The following GPHN variants were observed in gnomAD, a reference collection of about 807,000 sequenced individuals.
GPHN encodes the protein gephyrin.
In GPHN, 17 loss-of-function variants were observed where a neutral mutation model predicts 95.5. That is an observed-to-expected ratio of 0.18 (90% CI 0.12 to 0.27). GPHN has a LOEUF of 0.27. Among genes scored for constraint, GPHN ranks in the 10% least tolerant of loss-of-function variants. GPHN has a pLI of 1.00. For synonymous variants in GPHN, 320 were observed against 322.5 expected, an observed-to-expected ratio of 0.99 and a Z score of 0.08; for missense variants, 660 against 978.1, an observed-to-expected ratio of 0.67 and a Z score of 4.34.
chr14:67,504,302 C>T, the GPHN span, among the ~76,000 whole-genome samples: 1 of 152,216 alleles, frequency 6.6e-6, no homozygotes, highest in Non-Finnish European at 1.5e-5. Flanking sequence ...GCGTGAGCCA[C>T]CGTGCCCAGG....
chr14:67,576,508 G>A, the GPHN span: 3 of 1,434,526 alleles, frequency 2.1e-6, no homozygotes, highest in African/African-American at 4.2e-5. The surrounding 1 kb of genome is among the most constrained non-coding windows in gnomAD (Gnocchi z 4.0). Context: ...ATCCAGGTAA[G>A]GCAAGGGTGG....
chr14:67,612,510 A>T, the GPHN span, among the ~76,000 whole-genome samples: 1 of 152,144 alleles, frequency 6.6e-6, no homozygotes, highest in African/African-American at 2.4e-5. Flanking sequence ...TCCTCTGGTA[A>T]TTGACGAAGG....
intron 17 of GPHN, among the ~76,000 whole-genome samples, chr14:67,138,887 CTTTTTTTT>C (rs34446302): frequency 1.1e-5 from 1 of 94,686 alleles, no homozygotes; most frequent in Non-Finnish European, 1.8e-5. Flanking sequence ...GCATCCTCTC[CTTTTTTTT>C]TTTTTTTTTT....
At chr14:67,733,224 A>G in the GPHN span, among the ~76,000 whole-genome samples, 7 of 152,170 alleles carry the variant, frequency 4.6e-5, no homozygotes, top group Non-Finnish European at 8.8e-5. Context: ...TTCCAAAGCA[A>G]ATCTGGAGGG....
At chr14:66,624,470 G>A (rs772822817) in intron 1 of GPHN, among the ~76,000 whole-genome samples, 1 of 152,186 alleles carries the variant, frequency 6.6e-6, no homozygotes, top group Non-Finnish European at 1.5e-5. Context: ...TAAATAAACG[G>A]TTGGGTCTGG....
At chr14:66,812,189 A>G (rs868741230) in intron 3 of GPHN, among the ~76,000 whole-genome samples, 3 of 152,228 alleles carry the variant, frequency 2.0e-5, no homozygotes, top group African/African-American at 7.2e-5. Flanking sequence ...CCTCTGAGCC[A>G]TGAATGAGCT....
At chr14:67,368,260 A>G in the GPHN span, among the ~76,000 whole-genome samples, 1 of 152,186 alleles carries the variant, frequency 6.6e-6, no homozygotes, top group Admixed American at 6.5e-5. Context: ...CTTGGGGCAT[A>G]AAGACTGCCC....
chr14:66,894,788 C>T (rs936644452), intron 5 of GPHN, among the ~76,000 whole-genome samples: 3 of 152,262 alleles, frequency 2.0e-5, no homozygotes, highest in African/African-American at 7.2e-5. Flanking sequence ...CAGAGAAATG[C>T]AAATCAAAAC....
chr14:67,006,613 A>G (rs892496559), intron 9 of GPHN, among the ~76,000 whole-genome samples: 1 of 152,152 alleles, frequency 6.6e-6, no homozygotes, highest in Non-Finnish European at 1.5e-5. Flanking sequence ...ATTAATGGTG[A>G]ACTTCTGTGT....
At chr14:66,684,233 C>G (rs936018391) in intron 2 of GPHN, among the ~76,000 whole-genome samples, 3 of 152,028 alleles carry the variant, frequency 2.0e-5, no homozygotes, top group Admixed American at 2.0e-4. Flanking sequence ...AGCCTCAATA[C>G]TGTTAGAAAG....
intron 1 of GPHN, among the ~76,000 whole-genome samples, chr14:66,540,114 T>C (rs1437281922): frequency 6.6e-6 from 1 of 152,236 alleles, no homozygotes; most frequent in Non-Finnish European, 1.5e-5. Flanking sequence ...ATTTTTGCTC[T>C]TGCTTCATGT....
intron 3 of GPHN, among the ~76,000 whole-genome samples, chr14:66,813,489 G>A (rs1258850390): frequency 2.6e-5 from 4 of 152,208 alleles, no homozygotes; most frequent in African/African-American, 9.6e-5. Flanking sequence ...CAGGAGCATG[G>A]GTGAGTTGAA....
chr14:67,054,728 GA>G (rs1229726973), intron 10 of GPHN, among the ~76,000 whole-genome samples: 1 of 152,128 alleles, frequency 6.6e-6, no homozygotes, highest in East Asian at 1.9e-4. Context: ...AACCAAAATA[GA>G]TGGTAGTAGT....
At chr14:67,014,344 A>G (rs574086596) in intron 9 of GPHN, among the ~76,000 whole-genome samples, 2 of 152,252 alleles carry the variant, frequency 1.3e-5, no homozygotes, top group African/African-American at 4.8e-5. Flanking sequence ...TATGACTTAT[A>G]CAGTGTTATA....
At chr14:67,087,860 C>T (rs2076973605) in intron 11 of GPHN, among the ~76,000 whole-genome samples, 1 of 152,074 alleles carries the variant, frequency 6.6e-6, no homozygotes, top group Admixed American at 6.6e-5. Flanking sequence ...TTCTTTTCTT[C>T]CTTCCTCTTC....
intron 4 of GPHN, among the ~76,000 whole-genome samples, chr14:66,830,263 T>C (rs1321760043): frequency 6.6e-6 from 1 of 152,160 alleles, no homozygotes; most frequent in Non-Finnish European, 1.5e-5. Flanking sequence ...TTTCCTTCCT[T>C]ATATTTTTAA....
At chr14:67,011,611 A>T (rs1403947384) in intron 9 of GPHN, among the ~76,000 whole-genome samples, 2 of 147,268 alleles carry the variant, frequency 1.4e-5, no homozygotes, top group Non-Finnish European at 3.0e-5. Context: ...GAAAATTAGG[A>T]TTGTGTTCTT....
At chr14:67,134,069 T>A (rs1595307336) in intron 17 of GPHN, among the ~76,000 whole-genome samples, 1 of 152,234 alleles carries the variant, frequency 6.6e-6, no homozygotes, top group Non-Finnish European at 1.5e-5. Context: ...ATAGTCATTG[T>A]GTTTATGTAA....
chr14:67,337,925 A>T, the GPHN span: 37 of 152,224 alleles, frequency 2.4e-4, no homozygotes, highest in African/African-American at 8.9e-4. Flanking sequence ...TTGTCTCAAA[A>T]GTAAGCCTTT....
Sources: allele counts gnomAD v4.1 joint callset (sites outside exome capture counted in the v4.1 genomes callset), GRCh38; gene constraint gnomAD v4.1.1; non-coding constraint Gnocchi (gnomAD v3.1); transcripts MANE v1.5; gene names NCBI Gene and HGNC (gene_info 2026-07-23, HGNC 2026-07-21).